Variants in ASTN2 observed in about 807,000 individuals in gnomAD.
The protein encoded by ASTN2 is astrotactin-2.
In ASTN2, 54 loss-of-function variants were observed where a neutral mutation model predicts 139.8. The observed-to-expected ratio is 0.39, with a 90% CI of 0.31 to 0.48. The LOEUF is 0.48. Ranked by LOEUF, ASTN2 falls within the 20% of genes least tolerant of loss-of-function variation. ASTN2 has a pLI of 0.95. For missense variants in ASTN2, 1,565 were observed against 1,725.1 expected (o/e 0.91, Z 1.64); for synonymous variants, 756 against 719.5 (o/e 1.05, Z -0.81).
At chr9:117,130,467 C>T (rs1159750849) in intron 4 of ASTN2, among the ~76,000 whole-genome samples, 2 of 152,154 alleles carry the variant, frequency 1.3e-5, no homozygotes, top group Non-Finnish European at 2.9e-5. Context: ...CCCCACCTGA[C>T]CCCCTACCTG....
intron 1 of ASTN2, among the ~76,000 whole-genome samples, chr9:117,353,135 T>C (rs764891935): frequency 6.6e-6 from 1 of 152,160 alleles, no homozygotes; most frequent in Non-Finnish European, 1.5e-5. Context: ...TGCTGCTAAA[T>C]TGTACACTTA....
At chr9:117,265,625 G>A (rs1469967200) in intron 2 of ASTN2, among the ~76,000 whole-genome samples, 1 of 152,112 alleles carries the variant, frequency 6.6e-6, no homozygotes, top group Admixed American at 6.5e-5. Context: ...GCCTAAATCT[G>A]CCAACCAGCA....
At chr9:117,161,308 C>G (rs983065434) in intron 3 of ASTN2, among the ~76,000 whole-genome samples, 1 of 151,964 alleles carries the variant, frequency 6.6e-6, no homozygotes, top group Non-Finnish European at 1.5e-5. Flanking sequence ...ACAACAGATA[C>G]AACAAAGGGC....
intron 22 of ASTN2, among the ~76,000 whole-genome samples, chr9:116,436,311 G>A (rs1847647141): frequency 6.6e-6 from 1 of 152,182 alleles, no homozygotes; most frequent in Non-Finnish European, 1.5e-5. Context: ...CATAAGGGAT[G>A]CTTGGGATTG....
chr9:117,242,305 A>G (rs548721357), intron 2 of ASTN2, among the ~76,000 whole-genome samples: 40 of 152,160 alleles, frequency 2.6e-4, no homozygotes, highest in African/African-American at 9.1e-4. Context: ...TAACCTATAA[A>G]TATATCTCAA....
At chr9:116,761,681 G>C (rs935938556) in intron 13 of ASTN2, among the ~76,000 whole-genome samples, 12 of 152,110 alleles carry the variant, frequency 7.9e-5, no homozygotes, top group Non-Finnish European at 1.2e-4. Flanking sequence ...GAACAGTGAC[G>C]GGAGACACTT....
chr9:116,863,643 C>A lies in ASTN2; in HGVS notation c.1980G>T (p.Gly660=), dbSNP rs748102867. 1.7e-5 allele frequency: 27 copies of A among 1,614,152 alleles called. No homozygotes were observed. Among genetic ancestry groups the A allele is most frequent in the Middle Eastern group, 1.6e-4 (1 of 6,062 alleles). Residue 660 remains glycine (G), a synonymous_variant, in exon 11 of 23, where the codon GGG becomes GGT. Transcript: ENST00000313400. ...CACACTTGAAGTTGCGAGTGCAGCC[C>A]CCATTGTTCCGAGAGCAGTCACGAA... The part of the protein sequence containing the change: ...GPVRDCSRNN[G]GCTRNFKCVS...
intron 12 of ASTN2, among the ~76,000 whole-genome samples, chr9:116,820,166 T>C (rs190777764): frequency 2.0e-5 from 3 of 152,290 alleles, no homozygotes; most frequent in Non-Finnish European, 1.5e-5. Flanking sequence ...GGCTGAACAG[T>C]GCCCTCACAT....
chr9:116,767,510 G>A (rs901902436), intron 13 of ASTN2, among the ~76,000 whole-genome samples: 4 of 152,196 alleles, frequency 2.6e-5, no homozygotes, highest in African/African-American at 9.7e-5. Context: ...CATTAGGAAC[G>A]GAGGGAGCTG....
At chr9:117,176,298 T>C (rs1048640800) in intron 3 of ASTN2, among the ~76,000 whole-genome samples, 1 of 152,110 alleles carries the variant, frequency 6.6e-6, no homozygotes, top group African/African-American at 2.4e-5. Context: ...CAATCTTAGA[T>C]AAGATTATGA....
chr9:116,479,622 C>T (rs756833322), intron 20 of ASTN2, among the ~76,000 whole-genome samples: 17 of 152,168 alleles, frequency 1.1e-4, no homozygotes, highest in Non-Finnish European at 2.4e-4. Flanking sequence ...GGAGTCCATC[C>T]CTAGGGAGGA....
chr9:116,609,453 C>A (rs1855420350), intron 19 of ASTN2, among the ~76,000 whole-genome samples: 1 of 143,248 alleles, frequency 7.0e-6, no homozygotes, highest in Non-Finnish European at 1.5e-5. Flanking sequence ...TGAAGCAATG[C>A]AAACAAGAAG....
intron 6 of ASTN2, among the ~76,000 whole-genome samples, chr9:117,038,098 C>T (rs367775792): frequency 1.6e-4 from 24 of 152,106 alleles, no homozygotes; most frequent in East Asian, 3.9e-4. Context: ...TTCTGCACTA[C>T]GGTGAAGTGG....
At chr9:117,200,823 C>G (rs1335278100) in intron 3 of ASTN2, among the ~76,000 whole-genome samples, 1 of 152,052 alleles carries the variant, frequency 6.6e-6, no homozygotes, top group South Asian at 2.1e-4. Flanking sequence ...CTGAAGTTTT[C>G]TTTCTTTGTT....
At chr9:116,544,826 G>C (rs1175343079) in intron 19 of ASTN2, among the ~76,000 whole-genome samples, 1 of 152,180 alleles carries the variant, frequency 6.6e-6, no homozygotes, top group Non-Finnish European at 1.5e-5. Context: ...AGAGATTTTT[G>C]TGGCTGTTTT....
chr9:117,143,365 T>A (rs1830118952), intron 3 of ASTN2, among the ~76,000 whole-genome samples: 1 of 152,306 alleles, frequency 6.6e-6, no homozygotes, highest in East Asian at 1.9e-4. Context: ...AGAAGCAATG[T>A]CATGCCAAGT....
intron 2 of ASTN2, among the ~76,000 whole-genome samples, chr9:117,265,827 C>T (rs1373484746): frequency 6.7e-6 from 1 of 149,926 alleles, no homozygotes; most frequent in East Asian, 2.0e-4. Flanking sequence ...AAAAAAAAAT[C>T]TCCTAATATT....
chr9:116,845,114 A>G (rs967672083), intron 11 of ASTN2, among the ~76,000 whole-genome samples: 4 of 152,078 alleles, frequency 2.6e-5, no homozygotes, highest in African/African-American at 9.7e-5. Flanking sequence ...ACTGTACCAT[A>G]CCATTCTTTC....
At chr9:116,598,282 A>G (rs1236138852) in intron 19 of ASTN2, among the ~76,000 whole-genome samples, 1 of 152,178 alleles carries the variant, frequency 6.6e-6, no homozygotes, top group East Asian at 1.9e-4. Context: ...AATAAATCCA[A>G]GTCTGGATAC....
Sources: allele counts gnomAD v4.1 joint callset (sites outside exome capture counted in the v4.1 genomes callset), GRCh38; gene constraint gnomAD v4.1.1; transcripts MANE v1.5; gene names NCBI Gene and HGNC (gene_info 2026-07-23, HGNC 2026-07-21).